Variants in ARHGEF28 observed in about 807,000 individuals in gnomAD.
ARHGEF28 encodes the protein 190 kDa guanine nucleotide exchange factor.
A neutral mutation model predicts 206.6 loss-of-function variants in ARHGEF28; 152 were observed. The ratio of observed to expected loss-of-function variants is 0.74; its 90% CI spans 0.64 to 0.84. The LOEUF (loss-of-function observed/expected upper bound fraction) is 0.84, where lower values mean the gene tolerates loss of function less well. ARHGEF28 is among the 40% of genes least tolerant of loss of function. ARHGEF28 has a pLI of 0.00. For missense variants in ARHGEF28, 2,028 were observed against 2,073.2 expected, an observed-to-expected ratio of 0.98 and a Z score of 0.42; for synonymous variants, 763 against 776.4, an observed-to-expected ratio of 0.98 and a Z score of 0.29.
intron 1 of ARHGEF28, among the ~76,000 whole-genome samples, chr5:73,671,901 G>A (rs943284560): frequency 2.7e-5 from 4 of 150,920 alleles, no homozygotes; most frequent in South Asian, 4.2e-4. Context: ...GATTACAGGC[G>A]TCTGCCACCA....
intron 35 of ARHGEF28, among the ~76,000 whole-genome samples, chr5:73,939,874 T>TC (rs1233515086): frequency 6.6e-6 from 1 of 151,128 alleles, no homozygotes; most frequent in African/African-American, 2.4e-5. Context: ...CTCTTTTTTT[T>TC]CTTTATGTTC....
At chr5:73,774,076 A>G (rs745644603) in intron 5 of ARHGEF28, 38 bp downstream of exon 5, 4 of 1,512,552 alleles carry the variant, frequency 2.6e-6, no homozygotes, top group Non-Finnish European at 3.5e-6. Context: ...TCTTATTTGT[A>G]TAAAGTCGGC....
intron 34 of ARHGEF28, among the ~76,000 whole-genome samples, chr5:73,910,163 C>T (rs1042542522): frequency 5.9e-5 from 9 of 151,914 alleles, no homozygotes; most frequent in Non-Finnish European, 1.5e-5. Flanking sequence ...GGAAGATCAC[C>T]TGAGGTTGGG....
chr5:73,829,734 A>C (rs1757174331), intron 9 of ARHGEF28, among the ~76,000 whole-genome samples: 1 of 152,158 alleles, frequency 6.6e-6, no homozygotes, highest in Admixed American at 6.5e-5. Flanking sequence ...AGTGGGGATA[A>C]GATTTTTCTT....
chr5:73,733,601 A>G (rs1329462880), intron 2 of ARHGEF28, among the ~76,000 whole-genome samples: 1 of 152,200 alleles, frequency 6.6e-6, no homozygotes, highest in Non-Finnish European at 1.5e-5. Context: ...GAACTTATCC[A>G]TGTAACTAAA....
chr5:73,914,216 TACTC>T (rs1444312989), intron 35 of ARHGEF28, among the ~76,000 whole-genome samples: 3 of 152,078 alleles, frequency 2.0e-5, no homozygotes, highest in Admixed American at 6.5e-5. Context: ...ACTCATTTAA[TACTC>T]ACAACAACCC....
Position 73,801,971 on chromosome 5 carries a change from C to T in ARHGEF28, c.1024+6580C>T, listed in dbSNP as rs142118048. On this transcript the variant is annotated intron_variant, in intron 9 of 35. Transcript: ENST00000513042. ...TCACGGTCAGAGATCCCTGAGGGAG[C>T]TCAGCAATGCTGAAATCACCCCTAA... Among the ~76,000 whole-genome samples the T allele has an allele frequency of 1.5e-4, 23 of 152,312 alleles. No homozygotes were observed. In the East Asian group the frequency reaches 4.2e-3, roughly 28 times the overall value.
At chr5:73,884,068 G>A (rs1761118118) in intron 24 of ARHGEF28, among the ~76,000 whole-genome samples, 184 bp downstream of exon 24, 1 of 152,144 alleles carries the variant, frequency 6.6e-6, no homozygotes, top group Admixed American at 6.5e-5. Flanking sequence ...TGCAGCATGG[G>A]TAAATAGTCT....
intron 22 of ARHGEF28, among the ~76,000 whole-genome samples, chr5:73,880,159 A>T: frequency 6.6e-6 from 1 of 152,104 alleles, no homozygotes; most frequent in Non-Finnish European, 1.5e-5. Flanking sequence ...GCCTCGCTGC[A>T]GACTTGCAGT....
chr5:73,676,064 C>A (rs1042014560), intron 1 of ARHGEF28, among the ~76,000 whole-genome samples: 3 of 114,072 alleles, frequency 2.6e-5, no homozygotes, highest in Non-Finnish European at 5.6e-5. Context: ...ATTTGATTTT[C>A]TTTTCTTTTT....
chr5:73,654,850 G>A (rs1392142577), intron 1 of ARHGEF28, among the ~76,000 whole-genome samples: 1 of 152,120 alleles, frequency 6.6e-6, no homozygotes, highest in African/African-American at 2.4e-5. Context: ...AAAAGTCAAG[G>A]CATGTGAAAA....
chr5:73,919,195 G>A (rs771542961), intron 35 of ARHGEF28, among the ~76,000 whole-genome samples: 25 of 152,084 alleles, frequency 1.6e-4, no homozygotes, highest in Non-Finnish European at 2.6e-4. Context: ...GTGATTCAGG[G>A]GTCGCCTGCC....
chr5:73,894,550 A>T lies in ARHGEF28; in HGVS notation c.3816A>T (p.Ser1272=). 2 of 1,613,796 alleles carry T rather than the reference A, an allele frequency of 1.2e-6. No individual in the cohort carries two copies. Among genetic ancestry groups the T allele is most frequent in the South Asian group, 1.1e-5 (1 of 91,022 alleles). Reference sequence around the variant, plus strand: ...CAGGCGAGCCTCCCCAGGCAGCCTCATTACTGGCAGCAGCACTGAAAGAAG... The same window carrying T: ...CAGGCGAGCCTCCCCAGGCAGCCTCTTTACTGGCAGCAGCACTGAAAGAAG... ...PDPGEPPQAA[S]LLAAALKEAE... Residue 1272 remains serine, a synonymous_variant, in exon 29 of 36, where the codon TCA becomes TCT. Coordinates refer to ENST00000513042, the MANE Select transcript of ARHGEF28 (RefSeq NM_001177693.2).
chr5:73,658,205 C>T (rs1364876549), intron 1 of ARHGEF28, among the ~76,000 whole-genome samples: 2 of 151,976 alleles, frequency 1.3e-5, no homozygotes, highest in African/African-American at 2.4e-5. Flanking sequence ...CCTGCCCACT[C>T]CTGGCAGGAT....
At chr5:73,727,678 A>G (rs935321738) in intron 2 of ARHGEF28, among the ~76,000 whole-genome samples, 1 of 152,196 alleles carries the variant, frequency 6.6e-6, no homozygotes, top group Non-Finnish European at 1.5e-5. Flanking sequence ...ATCCTTTAAG[A>G]CTTTGAGAAC....
At chr5:73,694,010 T>C (rs977217729) in intron 2 of ARHGEF28, among the ~76,000 whole-genome samples, 1 of 152,238 alleles carries the variant, frequency 6.6e-6, no homozygotes, top group African/African-American at 2.4e-5. Context: ...TGAAGCTCCT[T>C]AGCTGCTGCA....
At chr5:73,795,476 TA>T in intron 9 of ARHGEF28, 85 bp downstream of exon 9, 2 of 1,176,016 alleles carry the variant, frequency 1.7e-6, no homozygotes, top group East Asian at 4.7e-5. Flanking sequence ...AATTTTAACA[TA>T]AAATATTCCT....
chr5:73,720,094 G>A (rs1749844279), intron 2 of ARHGEF28, among the ~76,000 whole-genome samples: 1 of 152,222 alleles, frequency 6.6e-6, no homozygotes, highest in African/African-American at 2.4e-5. Flanking sequence ...ATACAAATGA[G>A]TTAATGTATA....
At chr5:73,927,378 T>G (rs1483931031) in intron 35 of ARHGEF28, among the ~76,000 whole-genome samples, 1 of 151,996 alleles carries the variant, frequency 6.6e-6, no homozygotes, top group African/African-American at 2.4e-5. Context: ...TAAAAAAACC[T>G]TTCTTTAGGA....
Sources: allele counts gnomAD v4.1 joint callset (sites outside exome capture counted in the v4.1 genomes callset), GRCh38; gene constraint gnomAD v4.1.1; transcripts MANE v1.5; gene names NCBI Gene and HGNC (gene_info 2026-07-23, HGNC 2026-07-21).